The following RUNX2 variants were observed in gnomAD, a reference collection of about 807,000 sequenced individuals.
RUNX2 encodes the protein runt-related transcription factor 2.
A neutral mutation model predicts 51.7 loss-of-function variants in RUNX2; 10 were observed. That is an observed-to-expected ratio of 0.19 (90% CI 0.12 to 0.33). RUNX2 has a LOEUF of 0.33. RUNX2 is among the 10% of genes least tolerant of loss of function. The probability of loss-of-function intolerance (pLI) is 1.00; values close to 1 mark genes in which losing one functional copy is unlikely to be tolerated. For missense variants in RUNX2, 562 were observed against 691.3 expected (o/e 0.81, Z 2.10); for synonymous variants, 276 against 273.6 (o/e 1.01, Z -0.09).
intron 2 of RUNX2, among the ~76,000 whole-genome samples, chr6:45,404,701 T>C (rs1228667753): frequency 6.6e-6 from 1 of 152,210 alleles, no homozygotes; most frequent in African/African-American, 2.4e-5. Flanking sequence ...ACTTCACAAT[T>C]TACCAAAAAA....
Position 45,481,097 on chromosome 6 carries a change from TTCTCTG to T in RUNX2, c.686-10827_686-10822del, listed in dbSNP as rs1388634650. On this transcript the variant is annotated intron_variant, in intron 5 of 8. Coordinates refer to ENST00000647337, the MANE Select transcript of RUNX2 (RefSeq NM_001024630.4). ...TGCTTAAAACACTCTGTCTCTCTGT[TTCTCTG>T]TCTCTGTCTCTGTCTCACTCTCTGT... Among the ~76,000 whole-genome samples, 6 of 152,206 alleles carry T rather than the reference TTCTCTG, an allele frequency of 3.9e-5. No homozygotes were observed. The South Asian group carries it at 6.2e-4, about 16-fold the overall frequency.
chr6:45,428,829 G>C (rs529033962), intron 3 of RUNX2, among the ~76,000 whole-genome samples: 1 of 140,160 alleles, frequency 7.1e-6, no homozygotes, highest in South Asian at 2.3e-4. Context: ...TTTATATTGG[G>C]GCAGATTGCT....
At chr6:45,355,814 G>C (rs1419221675) in intron 2 of RUNX2, among the ~76,000 whole-genome samples, 1 of 152,150 alleles carries the variant, frequency 6.6e-6, no homozygotes, top group Non-Finnish European at 1.5e-5. Context: ...TTCCAAGTCT[G>C]AATGTTTGGA....
intron 5 of RUNX2, among the ~76,000 whole-genome samples, chr6:45,441,212 A>G (rs867160829): frequency 6.6e-6 from 1 of 152,138 alleles, no homozygotes; most frequent in African/African-American, 2.4e-5. Context: ...ATTTTGTACT[A>G]TCGGTTCCTG....
chr6:45,328,641 GGTATGGTTT>G lies in RUNX2; in HGVS notation c.-66-15_-66-7del. On this transcript the variant is annotated splice_polypyrimidine_tract_variant and intron_variant, in intron 1 of 8. Coordinates refer to ENST00000647337, the MANE Select transcript of RUNX2 (RefSeq NM_001024630.4). ...TACTGTAAAACTAAAACAAGGTTTG[GGTATGGTTT>G]GTATTTTCAGTTTAAGGCTGCAAGC... 1 of 1,610,188 alleles carries G rather than the reference GGTATGGTTT, an allele frequency of 6.2e-7. No homozygotes were observed. Among genetic ancestry groups the G allele is most frequent in the Non-Finnish European group, 8.5e-7 (1 of 1,177,448 alleles).
intron 5 of RUNX2, among the ~76,000 whole-genome samples, chr6:45,489,102 G>A (rs954801539): frequency 2.6e-5 from 4 of 152,122 alleles, no homozygotes; most frequent in African/African-American, 9.7e-5. Context: ...CATACATTAT[G>A]AAGAGTGCAT....
At chr6:45,545,359 G>T in intron 8 of RUNX2, 77 bp downstream of exon 8, 2 of 1,473,042 alleles carry the variant, frequency 1.4e-6, no homozygotes, top group South Asian at 1.3e-5. Flanking sequence ...TCCGATTTGT[G>T]AGTTTTGTTA....
At chr6:45,503,082 C>A (rs976507867) in intron 6 of RUNX2, among the ~76,000 whole-genome samples, 3 of 152,190 alleles carry the variant, frequency 2.0e-5, no homozygotes, top group Non-Finnish European at 2.9e-5. Context: ...CAGGTCTTGG[C>A]TTGATCTTTA....
intron 5 of RUNX2, among the ~76,000 whole-genome samples, chr6:45,491,349 T>G (rs1800459293): frequency 6.6e-6 from 1 of 152,238 alleles, no homozygotes; most frequent in African/African-American, 2.4e-5. Context: ...AATTTGAGTT[T>G]CCCTGCTTAC....
intron 5 of RUNX2, among the ~76,000 whole-genome samples, chr6:45,469,436 G>T (rs962632072): frequency 1.3e-5 from 2 of 152,076 alleles, no homozygotes; most frequent in African/African-American, 4.8e-5. Flanking sequence ...ACTTCTAATA[G>T]TACAAAATAA....
At chr6:45,509,430 A>G (rs778273321) in intron 6 of RUNX2, among the ~76,000 whole-genome samples, 5 of 152,194 alleles carry the variant, frequency 3.3e-5, no homozygotes, top group Non-Finnish European at 7.4e-5. Flanking sequence ...CCTAATAAGT[A>G]TCATTATTCC....
rs1460952815 is a variant in RUNX2, at chr6:45,550,133, G to A, written c.*2828G>A. On this transcript the variant is annotated 3_prime_UTR_variant, in exon 9 of 9. Coordinates refer to ENST00000647337, the MANE Select transcript of RUNX2 (RefSeq NM_001024630.4). ...TAGTTCCTGGGAATTAAAATAGCGTGGTTCTCTTTGTAGCACAAACATTGC... is the reference window on the plus strand; with the variant it reads ...TAGTTCCTGGGAATTAAAATAGCGTAGTTCTCTTTGTAGCACAAACATTGC... The A allele has an allele frequency of 6.6e-6, 1 of 152,170 alleles. No homozygotes were observed. Among genetic ancestry groups the A allele is most frequent in the African/African-American group, 2.4e-5 (1 of 41,266 alleles). 9.4% of individuals were successfully genotyped at this position (152,170 alleles called of 1,614,324 possible). A position where few individuals can be genotyped will look rare whatever the true frequency, so the allele number is the denominator to read the frequency against.
At chr6:45,512,445 C>T (rs767341151) in intron 7 of RUNX2, 38 bp downstream of exon 7, 3 of 1,610,570 alleles carry the variant, frequency 1.9e-6, no homozygotes, top group East Asian at 2.2e-5. Context: ...CATCCCTGCA[C>T]AGGGGTCGGG....
intron 2 of RUNX2, among the ~76,000 whole-genome samples, chr6:45,378,552 A>G (rs2150340042): frequency 6.6e-6 from 1 of 152,308 alleles, no homozygotes; most frequent in Non-Finnish European, 1.5e-5. Flanking sequence ...GACCTCGCAC[A>G]GAATCTGTTT....
intron 7 of RUNX2, among the ~76,000 whole-genome samples, chr6:45,541,239 A>G (rs906054696): frequency 3.3e-5 from 5 of 152,160 alleles, no homozygotes; most frequent in South Asian, 2.1e-4. Flanking sequence ...CATATTCTTT[A>G]CCATCCAAAG....
At chr6:45,363,328 T>G (rs1421547766) in intron 2 of RUNX2, among the ~76,000 whole-genome samples, 1 of 152,206 alleles carries the variant, frequency 6.6e-6, no homozygotes, top group African/African-American at 2.4e-5. Flanking sequence ...GTATATTGTT[T>G]TAATAAATAC....
chr6:45,423,638 G>C (rs1217088974), intron 3 of RUNX2, among the ~76,000 whole-genome samples: 1 of 152,234 alleles, frequency 6.6e-6, no homozygotes, highest in Non-Finnish European at 1.5e-5. Context: ...CGCGCGGGCT[G>C]CGCTACCAGT....
At chr6:45,536,590 C>T (rs535190534) in intron 7 of RUNX2, among the ~76,000 whole-genome samples, 142 of 152,310 alleles carry the variant, frequency 9.3e-4, no homozygotes, top group Middle Eastern at 6.8e-3. Flanking sequence ...ATAGTGCCCC[C>T]AGCTTGTCAG....
intron 7 of RUNX2, among the ~76,000 whole-genome samples, chr6:45,522,356 A>G (rs1801531889): frequency 6.6e-6 from 1 of 152,202 alleles, no homozygotes; most frequent in Non-Finnish European, 1.5e-5. Flanking sequence ...ATTTTAGGAA[A>G]GGAGATCTCT....
Sources: allele counts gnomAD v4.1 joint callset (sites outside exome capture counted in the v4.1 genomes callset), GRCh38; gene constraint gnomAD v4.1.1; transcripts MANE v1.5; gene names NCBI Gene and HGNC (gene_info 2026-07-23, HGNC 2026-07-21).